Variants in MARCHF1 observed in about 807,000 individuals in gnomAD.
MARCHF1 encodes membrane associated ring-CH-type finger 1.
In MARCHF1, 40 loss-of-function variants were observed where a neutral mutation model predicts 54.2. The ratio of observed to expected loss-of-function variants is 0.74; its 90% CI spans 0.57 to 0.96. The LOEUF (loss-of-function observed/expected upper bound fraction) is 0.96. Among genes scored for constraint, MARCHF1 ranks in the 40% least tolerant of loss-of-function variants. The probability of loss-of-function intolerance (pLI) is 0.00; values close to 1 mark genes in which losing one functional copy is unlikely to be tolerated. For synonymous variants in MARCHF1, 236 were observed against 236.3 expected, an observed-to-expected ratio of 1.00 and a Z score of 0.01; for missense variants, 586 against 656.5, an observed-to-expected ratio of 0.89 and a Z score of 1.17.
At chr4:164,116,519 G>A (rs1755942631) in intron 1 of MARCHF1, among the ~76,000 whole-genome samples, 1 of 151,106 alleles carries the variant, frequency 6.6e-6, no homozygotes. Flanking sequence ...CCATACAAAA[G>A]CAGGCCACAG....
At chr4:163,541,600 C>T (rs981944504) in intron 9 of MARCHF1, among the ~76,000 whole-genome samples, 2 of 152,088 alleles carry the variant, frequency 1.3e-5, no homozygotes, top group African/African-American at 2.4e-5. Context: ...TCTAAAAGAA[C>T]AACCATTTAC....
At chr4:164,240,689 C>A (rs1031351494) in intron 1 of MARCHF1, among the ~76,000 whole-genome samples, 5 of 152,098 alleles carry the variant, frequency 3.3e-5, no homozygotes, top group African/African-American at 1.2e-4. Context: ...TCTAACCTCA[C>A]AAGCTAACTG....
chr4:163,833,881 G>C (rs935085173), intron 4 of MARCHF1, among the ~76,000 whole-genome samples: 2 of 152,102 alleles, frequency 1.3e-5, no homozygotes, highest in South Asian at 4.1e-4. Flanking sequence ...AAGCTTTTCT[G>C]AGGCAATTAG....
At chr4:163,812,251 A>T (rs1366305660) in intron 4 of MARCHF1, among the ~76,000 whole-genome samples, 1 of 150,850 alleles carries the variant, frequency 6.6e-6, no homozygotes, top group African/African-American at 2.4e-5. Flanking sequence ...TCTCTATATA[A>T]TATATAGTTA....
At chr4:164,055,565 A>T (rs1466610406) in intron 2 of MARCHF1, among the ~76,000 whole-genome samples, 2 of 152,182 alleles carry the variant, frequency 1.3e-5, no homozygotes, top group East Asian at 3.8e-4. Context: ...TATTATATGG[A>T]TAAAGTAAAA....
chr4:164,142,936 A>G (rs2110870623), intron 1 of MARCHF1, among the ~76,000 whole-genome samples: 2 of 152,240 alleles, frequency 1.3e-5, no homozygotes, highest in Admixed American at 6.5e-5. Context: ...AAAATTTAGA[A>G]GAATGTATAA....
chr4:164,241,909 G>A (rs1327198935), intron 1 of MARCHF1, among the ~76,000 whole-genome samples: 2 of 152,202 alleles, frequency 1.3e-5, no homozygotes, highest in South Asian at 2.1e-4. Context: ...CGAATACTGC[G>A]CTTTTCCAAC....
At chr4:164,232,898 T>C (rs1397017553) in intron 1 of MARCHF1, among the ~76,000 whole-genome samples, 2 of 152,136 alleles carry the variant, frequency 1.3e-5, no homozygotes, top group South Asian at 4.1e-4. Context: ...TTTTGTCCAT[T>C]TTATAAAACT....
At chr4:163,741,582 CAAAA>C (rs71600636) in intron 4 of MARCHF1, among the ~76,000 whole-genome samples, 13 of 126,688 alleles carry the variant, frequency 1.0e-4, no homozygotes, top group Non-Finnish European at 1.6e-4. Flanking sequence ...GACTCTGTCT[CAAAA>C]AAAAAAAAAA....
intron 8 of MARCHF1, among the ~76,000 whole-genome samples, chr4:163,547,358 C>T (rs1738946143): frequency 6.6e-6 from 1 of 152,218 alleles, no homozygotes; most frequent in Non-Finnish European, 1.5e-5. Flanking sequence ...TCCAACCTTT[C>T]TTGGCTCAGG....
intron 1 of MARCHF1, among the ~76,000 whole-genome samples, chr4:164,149,326 T>G (rs554337007): frequency 6.6e-6 from 1 of 152,292 alleles, no homozygotes; most frequent in East Asian, 1.9e-4. Context: ...GTATGGCCTA[T>G]GGACTCTAGC....
intron 4 of MARCHF1, among the ~76,000 whole-genome samples, chr4:163,743,410 C>A (rs973410904): frequency 2.0e-5 from 3 of 152,094 alleles, no homozygotes; most frequent in African/African-American, 4.8e-5. Flanking sequence ...CAGGGGCAAC[C>A]CAATAAGATG....
intron 1 of MARCHF1, among the ~76,000 whole-genome samples, chr4:164,381,137 C>T (rs924948891): frequency 2.0e-5 from 3 of 152,192 alleles, no homozygotes; most frequent in Admixed American, 6.5e-5. Context: ...TCACTATTGC[C>T]TGCCCTGGGC....
At chr4:163,577,199 C>T (rs1290451142) in intron 8 of MARCHF1, among the ~76,000 whole-genome samples, 2 of 151,864 alleles carry the variant, frequency 1.3e-5, no homozygotes, top group Non-Finnish European at 2.9e-5. Context: ...TTAGGTGTGG[C>T]TTTGTGGTAT....
intron 5 of MARCHF1, among the ~76,000 whole-genome samples, chr4:163,695,351 G>T (rs6843735): frequency 0.47 from 71,188 of 151,910 alleles, 17,157 homozygotes; most frequent in Non-Finnish European, 0.51. Flanking sequence ...GTGAACCATA[G>T]AATACCTTGT....
intron 7 of MARCHF1, among the ~76,000 whole-genome samples, chr4:163,599,788 C>A (rs115352678): frequency 6.6e-6 from 1 of 152,084 alleles, no homozygotes; most frequent in Non-Finnish European, 1.5e-5. Flanking sequence ...TAAAAACTTC[C>A]GAGGTGATTT....
At chr4:163,607,179 TC>T (rs1357303265) in intron 7 of MARCHF1, among the ~76,000 whole-genome samples, 1 of 152,086 alleles carries the variant, frequency 6.6e-6, no homozygotes, top group Admixed American at 6.6e-5. Context: ...CATACCCCTT[TC>T]TTGTTTAAGC....
At position 163,702,289 on chromosome 4, in the gene MARCHF1, G is replaced by T. The variant is rs191972708; in HGVS notation, c.112-1426C>A. 3.0e-3 allele frequency among the ~76,000 whole-genome samples: 462 copies of T among 152,238 alleles called. 1 individual carries two copies. The highest frequency in any genetic ancestry group is 0.01 in the African/African-American group (416 of 41,536). On this transcript the variant is annotated intron_variant, in intron 4 of 9. Coordinates refer to ENST00000514618, the MANE Select transcript of MARCHF1 (RefSeq NM_001394959.1). ...TTCCCTGATTAGCTCCACTGGTGAT[G>T]GAGGGAGGCACTTTTCTACTGACGT...
chr4:164,187,032 T>C (rs1730987495), intron 1 of MARCHF1, among the ~76,000 whole-genome samples: 1 of 151,952 alleles, frequency 6.6e-6, no homozygotes, highest in Admixed American at 6.6e-5. Context: ...CAATCTTTTT[T>C]TTTTTTTGCA....
Sources: gnomAD v4.1 joint callset for allele counts (sites outside exome capture counted in the v4.1 genomes callset) on GRCh38, gnomAD v4.1.1 for gene constraint, MANE v1.5 for transcripts, NCBI Gene and HGNC (gene_info 2026-07-23, HGNC 2026-07-21) for gene names.